The following TLCD4 variants were observed in gnomAD, a reference collection of about 807,000 sequenced individuals.
The protein encoded by TLCD4 is TLC domain-containing protein 4.
TLCD4 carries 7 observed loss-of-function variants against 24.2 expected under a neutral mutation model. That is an observed-to-expected ratio of 0.29 (90% CI 0.16 to 0.54). The LOEUF (loss-of-function observed/expected upper bound fraction) is 0.54. TLCD4 is among the 20% of genes least tolerant of loss of function. TLCD4 has a pLI of 0.95. For synonymous variants in TLCD4, 103 were observed against 106.4 expected (o/e 0.97, Z 0.20); for missense variants, 259 against 313.9 (o/e 0.82, Z 1.32).
chr1:95,145,637 G>T (rs1471397786), intron 2 of TLCD4, among the ~76,000 whole-genome samples: 1 of 152,116 alleles, frequency 6.6e-6, no homozygotes, highest in African/African-American at 2.4e-5. Context: ...AGAGAAGGGG[G>T]TACATACGTT....
chr1:95,159,031 G>C (rs547487117), intron 5 of TLCD4, among the ~76,000 whole-genome samples: 2 of 152,316 alleles, frequency 1.3e-5, no homozygotes, highest in Admixed American at 1.3e-4. Context: ...CCAGTAATGG[G>C]ATGGCTGGGT....
At chr1:95,120,742 T>C (rs1161256570) in intron 1 of TLCD4, among the ~76,000 whole-genome samples, 2 of 152,236 alleles carry the variant, frequency 1.3e-5, no homozygotes, top group Non-Finnish European at 2.9e-5. Flanking sequence ...ACTACAACAG[T>C]ACAAAATGCA....
At chr1:95,182,637 A>C (rs112497655) in intron 6 of TLCD4, among the ~76,000 whole-genome samples, 4 of 152,172 alleles carry the variant, frequency 2.6e-5, no homozygotes, top group African/African-American at 9.6e-5. Flanking sequence ...ACTTTACACT[A>C]TCAGTATAGA....
At chr1:95,185,290 G>C (rs1678794000) in intron 6 of TLCD4, among the ~76,000 whole-genome samples, 1 of 152,132 alleles carries the variant, frequency 6.6e-6, no homozygotes, top group Non-Finnish European at 1.5e-5. Flanking sequence ...TAGAACAAGG[G>C]AAGGCAGGGT....
intron 5 of TLCD4, among the ~76,000 whole-genome samples, chr1:95,159,950 G>C (rs1041625685): frequency 1.3e-5 from 2 of 152,180 alleles, no homozygotes; most frequent in African/African-American, 4.8e-5. Context: ...GATGCCTCCA[G>C]CATTGTTCTT....
chr1:95,158,080 T>G (rs542449557), intron 5 of TLCD4, among the ~76,000 whole-genome samples: 1 of 152,198 alleles, frequency 6.6e-6, no homozygotes, highest in African/African-American at 2.4e-5. Context: ...TTGCCTTCCC[T>G]TCTTCCTCCC....
chr1:95,120,468 G>A (rs576576227), intron 1 of TLCD4, among the ~76,000 whole-genome samples: 1 of 152,340 alleles, frequency 6.6e-6, no homozygotes, highest in East Asian at 1.9e-4. Flanking sequence ...GGCAGGATAA[G>A]GCAGGAATAG....
In TLCD4 at chr1:95,124,228, A is replaced by G. The variant is rs1407161901; in HGVS notation, c.-12+6611A>G. On this transcript the variant is annotated intron_variant, in intron 1 of 6. Coordinates refer to ENST00000370203, the MANE Select transcript of TLCD4 (RefSeq NM_152487.3). ...TAAAGAAGGAAAAGAAGATGGAAGT[A>G]TAAGTGAGGCTGGTTAGTGTATTTC... 3.3e-5 allele frequency among the ~76,000 whole-genome samples: 5 copies of G among 152,370 alleles called. No homozygotes were observed. The South Asian group carries it at 6.2e-4, about 19-fold the overall frequency.
chr1:95,151,253 G>A, intron 4 of TLCD4, 72 bp from the exon 5 acceptor site: 1 of 1,484,268 alleles, frequency 6.7e-7, no homozygotes, highest in Non-Finnish European at 9.3e-7. Flanking sequence ...GCAGGAGAAA[G>A]AGTTCAATAC....
At chr1:95,107,657 A>G in the TLCD4 span, among the ~76,000 whole-genome samples, 1 of 152,124 alleles carries the variant, frequency 6.6e-6, no homozygotes, top group South Asian at 2.1e-4. Context: ...ATAGTTTATC[A>G]ACTTTATTTT....
At chr1:95,148,675 C>T in intron 2 of TLCD4, 27 bp from the exon 3 acceptor site, 3 of 1,610,590 alleles carry the variant, frequency 1.9e-6, no homozygotes, top group Non-Finnish European at 2.5e-6. Context: ...AATCTAAAAT[C>T]TTTGTGTGTA....
At chr1:95,139,455 ATTTTTTTTTT>A (rs200337389) in intron 1 of TLCD4, among the ~76,000 whole-genome samples, 9,878 of 94,156 alleles carry the variant, frequency 0.1, 518 homozygotes, top group East Asian at 0.28. Flanking sequence ...TAAACCTTTG[ATTTTTTTTTT>A]TTTTTTTTTT....
chr1:95,127,496 C>T (rs1419265244), intron 1 of TLCD4, among the ~76,000 whole-genome samples: 2 of 152,142 alleles, frequency 1.3e-5, no homozygotes, highest in Non-Finnish European at 2.9e-5. Flanking sequence ...GAAAATCATG[C>T]TTTGTCCAGG....
intron 6 of TLCD4, 129 bp from the exon 7 acceptor site, chr1:95,191,421 G>A: frequency 8.5e-7 from 1 of 1,178,692 alleles, no homozygotes; most frequent in Non-Finnish European, 1.1e-6. Context: ...TTCTTTTTCA[G>A]CATTGCGTAT....
upstream of TLCD4, among the ~76,000 whole-genome samples, chr1:95,114,634 G>A (rs1018464304): frequency 1.3e-5 from 2 of 151,906 alleles, no homozygotes; most frequent in East Asian, 1.9e-4. Context: ...GTTCGGGACC[G>A]GCCTAGCCAA....
chr1:95,102,813 G>A, the TLCD4 span, among the ~76,000 whole-genome samples: 1 of 152,194 alleles, frequency 6.6e-6, no homozygotes, highest in South Asian at 2.1e-4. Flanking sequence ...CAGGTTCAAG[G>A]AATTATCAAA....
chr1:95,173,314 C>CT (rs202107448), intron 5 of TLCD4, among the ~76,000 whole-genome samples: 37,348 of 143,444 alleles, frequency 0.26, 5,609 homozygotes, highest in African/African-American at 0.42. Context: ...TGTGATCATT[C>CT]TTTTTTTTTT....
Position 95,148,708 on chromosome 1 carries a change from A to G in TLCD4, c.162A>G (p.Val54=), listed in dbSNP as rs1407399912. The change falls in exon 3 of 7, where the codon GTA becomes GTG. Residue 54 remains valine (V), a synonymous_variant. Coordinates refer to ENST00000370203, the MANE Select transcript of TLCD4 (RefSeq NM_152487.3). ...GTATTTTGTTTAATTTCAGGGTAGT[A>G]TCCACATGCCATTCTTTGGTGGTTG... The part of the protein sequence containing the change: ...KKKIEWNSRV[V]STCHSLVVGI... 2 of 1,613,586 alleles carry G rather than the reference A, an allele frequency of 1.2e-6. No individual in the cohort carries two copies. Among genetic ancestry groups the G allele is most frequent in the East Asian group, 2.2e-5 (1 of 44,826 alleles).
chr1:95,092,739 C>T, the TLCD4 span, among the ~76,000 whole-genome samples: 4 of 152,300 alleles, frequency 2.6e-5, no homozygotes, highest in East Asian at 5.8e-4. Flanking sequence ...ACACTCACCG[C>T]GAAGGTCCGC....
Sources: allele counts gnomAD v4.1 joint callset (sites outside exome capture counted in the v4.1 genomes callset), GRCh38; gene constraint gnomAD v4.1.1; transcripts MANE v1.5; gene names NCBI Gene and HGNC (gene_info 2026-07-23, HGNC 2026-07-21).